Variants in SYT1 observed in about 807,000 individuals in gnomAD.
The protein encoded by SYT1 is synaptotagmin 1.
Under a neutral mutation model 44.8 loss-of-function variants are expected in SYT1, and 8 were observed. The ratio of observed to expected loss-of-function variants is 0.18; its 90% CI spans 0.10 to 0.32. The LOEUF is 0.32. SYT1 is among the 10% of genes least tolerant of loss of function. The pLI is 1.00. For synonymous variants in SYT1, 154 were observed against 188.8 expected, an observed-to-expected ratio of 0.82 and a Z score of 1.51; for missense variants, 286 against 509.3, an observed-to-expected ratio of 0.56 and a Z score of 4.22.
At chr12:79,072,948 T>C (rs1375163984) in intron 3 of SYT1, among the ~76,000 whole-genome samples, 1 of 152,070 alleles carries the variant, frequency 6.6e-6, no homozygotes, top group Non-Finnish European at 1.5e-5. Context: ...GGATGAATAA[T>C]AGATAAACAA....
intron 1 of SYT1, among the ~76,000 whole-genome samples, chr12:78,917,992 C>A (rs936414817): frequency 1.3e-5 from 2 of 152,058 alleles, no homozygotes; most frequent in African/African-American, 4.8e-5. Context: ...CAGAAATGTA[C>A]AAGCAATATT....
intron 1 of SYT1, among the ~76,000 whole-genome samples, chr12:78,913,526 ATTGT>A (rs1876466307): frequency 6.6e-6 from 1 of 151,764 alleles, no homozygotes; most frequent in African/African-American, 2.4e-5. Context: ...CATTTCTCCA[ATTGT>A]TTAACTGAAA....
chr12:79,250,118 A>G (rs567164806), intron 4 of SYT1, among the ~76,000 whole-genome samples: 5 of 152,358 alleles, frequency 3.3e-5, no homozygotes, highest in Non-Finnish European at 5.9e-5. Context: ...AAGTTTTACC[A>G]ATAATATGTA....
At chr12:79,350,275 C>CGA (rs1378116088) in intron 8 of SYT1, among the ~76,000 whole-genome samples, 1 of 119,594 alleles carries the variant, frequency 8.4e-6, no homozygotes, top group Non-Finnish European at 1.6e-5. Flanking sequence ...TTTTTTGAGA[C>CGA]GGAGTCTCGC....
At chr12:79,021,289 T>C (rs1872173201) in intron 2 of SYT1, among the ~76,000 whole-genome samples, 1 of 151,876 alleles carries the variant, frequency 6.6e-6, no homozygotes. Flanking sequence ...GAAATGGAGC[T>C]AAAGCATAGA....
intron 4 of SYT1, among the ~76,000 whole-genome samples, chr12:79,249,829 T>C (rs772586121): frequency 6.6e-6 from 1 of 152,132 alleles, no homozygotes; most frequent in Non-Finnish European, 1.5e-5. Context: ...AAGCCTGTTT[T>C]AGAAATTAGA....
intron 2 of SYT1, among the ~76,000 whole-genome samples, chr12:79,038,340 T>A (rs754162475): frequency 6.6e-6 from 1 of 151,602 alleles, no homozygotes; most frequent in Non-Finnish European, 1.5e-5. Flanking sequence ...TCATCTACTG[T>A]CCTAATAATG....
intron 8 of SYT1, among the ~76,000 whole-genome samples, chr12:79,329,978 G>A (rs146997404): frequency 7.9e-4 from 120 of 151,922 alleles, no homozygotes; most frequent in Non-Finnish European, 1.4e-3. Flanking sequence ...CTATTTTATC[G>A]TATTTGACCT....
intron 3 of SYT1, among the ~76,000 whole-genome samples, chr12:79,048,620 C>T (rs1479538686): frequency 3.3e-5 from 5 of 151,744 alleles, no homozygotes; most frequent in Non-Finnish European, 7.4e-5. Context: ...ATTTATAATT[C>T]AAAATGTTTA....
At position 79,331,511 on chromosome 12, in the gene SYT1, G is replaced by T. The variant is rs200354560; in HGVS notation, c.811-21991G>T. On this transcript the variant is annotated intron_variant, in intron 8 of 10. Coordinates refer to ENST00000261205, the MANE Select transcript of SYT1 (RefSeq NM_005639.3). Reference sequence around the variant, plus strand: ...AGACTTTTTAGGACATCTAAAATTTGTGTGAATTTTTAAATTTATGTCTTT... The same window carrying T: ...AGACTTTTTAGGACATCTAAAATTTTTGTGAATTTTTAAATTTATGTCTTT... 2.0e-5 allele frequency among the ~76,000 whole-genome samples: 3 copies of T among 152,032 alleles called. No individual in the cohort carries two copies. The East Asian group carries it at 5.8e-4, about 29-fold the overall frequency.
At chr12:79,262,432 C>T (rs1002374285) in intron 4 of SYT1, among the ~76,000 whole-genome samples, 2 of 144,960 alleles carry the variant, frequency 1.4e-5, no homozygotes, top group African/African-American at 5.3e-5. Flanking sequence ...GAGATGAGGA[C>T]CAGAGCCAAG....
At chr12:79,032,512 A>C (rs1314901347) in intron 2 of SYT1, among the ~76,000 whole-genome samples, 3 of 151,242 alleles carry the variant, frequency 2.0e-5, no homozygotes, top group African/African-American at 7.3e-5. Context: ...ACAACTCACA[A>C]AAATACTGTG....
intron 3 of SYT1, among the ~76,000 whole-genome samples, chr12:79,153,855 T>C (rs1453584382): frequency 6.6e-6 from 1 of 152,132 alleles, no homozygotes; most frequent in African/African-American, 2.4e-5. Context: ...AAAATCAAGT[T>C]GAATGTTTAT....
At chr12:78,972,757 C>T (rs1346595405) in intron 1 of SYT1, among the ~76,000 whole-genome samples, 1 of 151,400 alleles carries the variant, frequency 6.6e-6, no homozygotes, top group Non-Finnish European at 1.5e-5. Context: ...TATTTCTATG[C>T]CATAACAATA....
intron 1 of SYT1, among the ~76,000 whole-genome samples, chr12:78,935,566 T>A (rs1878006409): frequency 6.6e-6 from 1 of 152,164 alleles, no homozygotes; most frequent in African/African-American, 2.4e-5. Flanking sequence ...TAGGTTCAGC[T>A]TGGGTAAAGA....
At position 79,360,889 on chromosome 12, in the gene SYT1, C is replaced by T. The variant is rs151087554; in HGVS notation, c.928+7270C>T. Among the ~76,000 whole-genome samples the T allele has an allele frequency of 1.6e-3, 245 of 152,212 alleles. 1 individual carries two copies. The highest frequency in any genetic ancestry group is 5.7e-3 in the African/African-American group (238 of 41,520). On this transcript the variant is annotated intron_variant, in intron 9 of 10. Transcript: ENST00000261205. ...AATTAGAAAGGATTATAGCCAAGCC[C>T]GGTACAAGTTGGGACCCAGGCACAG...
intron 2 of SYT1, among the ~76,000 whole-genome samples, chr12:79,026,678 T>TATATATATATATAC: frequency 7.4e-6 from 1 of 134,598 alleles, no homozygotes. Flanking sequence ...TATATATATA[T>TATATATATATATAC]ATATATATAT....
chr12:79,420,388 A>C (rs924620031), intron 9 of SYT1, among the ~76,000 whole-genome samples: 22 of 152,140 alleles, frequency 1.4e-4, no homozygotes, highest in Non-Finnish European at 3.1e-4. Context: ...TGCATCTTAT[A>C]CCTGCATTCC....
At chr12:79,336,481 C>T (rs1882095319) in intron 8 of SYT1, among the ~76,000 whole-genome samples, 1 of 152,064 alleles carries the variant, frequency 6.6e-6, no homozygotes, top group South Asian at 2.1e-4. Flanking sequence ...GGCTTTGCCT[C>T]TCTAACTGCA....
Sources: gnomAD v4.1 joint callset for allele counts (sites outside exome capture counted in the v4.1 genomes callset) on GRCh38, gnomAD v4.1.1 for gene constraint, MANE v1.5 for transcripts, NCBI Gene and HGNC (gene_info 2026-07-23, HGNC 2026-07-21) for gene names.